The following IGF1R variants were observed in gnomAD, a reference collection of about 807,000 sequenced individuals.
The protein encoded by IGF1R is insulin like growth factor 1 receptor.
In IGF1R, 44 loss-of-function variants were observed where a neutral mutation model predicts 144.6. The ratio of observed to expected loss-of-function variants is 0.30; its 90% CI spans 0.24 to 0.39. The LOEUF (loss-of-function observed/expected upper bound fraction) is 0.39, where lower values mean the gene tolerates loss of function less well. Ranked by LOEUF, IGF1R falls within the 10% of genes least tolerant of loss-of-function variation. The pLI is 1.00. For missense variants in IGF1R, 1,355 were observed against 1,833.7 expected (o/e 0.74, Z 4.77); for synonymous variants, 795 against 722.8 (o/e 1.10, Z -1.60).
At position 98,792,443 on chromosome 15, in the gene IGF1R, C is replaced by T. The variant is rs148568922; in HGVS notation, c.640+84336C>T. ...ATGAAGACAAATTAGCAAAATCTTC[C>T]TATTTTTAAAGTGTGCCTTTTGATT... On this transcript the variant is annotated intron_variant, in intron 2 of 20. Coordinates refer to ENST00000650285, the MANE Select transcript of IGF1R (RefSeq NM_000875.5). Among the ~76,000 whole-genome samples, 484 of 152,284 alleles carry T rather than the reference C, an allele frequency of 3.2e-3. 3 individuals carry two copies. Among genetic ancestry groups the T allele is most frequent in the African/African-American group, 0.011 (461 of 41,558 alleles).
chr15:98,754,456 G>C (rs1196434153), intron 2 of IGF1R, among the ~76,000 whole-genome samples: 1 of 152,216 alleles, frequency 6.6e-6, no homozygotes, highest in East Asian at 1.9e-4. Flanking sequence ...CAGTTGAGAA[G>C]CTGAAGGTTG....
chr15:98,785,484 T>TTTTATAACATAAACATAAAAAAATAA lies in IGF1R; in HGVS notation c.640+77377_640+77378insTTTATAACATAAACATAAAAAAATAA, dbSNP rs1277853152. ...GGTAATCCAGAGTTAAAAATAATGT[T>TTTTATAACATAAACATAAAAAAATAA]CATAAGGAAGGGTAGCAAAATTTAG... On this transcript the variant is annotated intron_variant, in intron 2 of 20. Coordinates refer to ENST00000650285, the MANE Select transcript of IGF1R (RefSeq NM_000875.5). 9.2e-5 allele frequency among the ~76,000 whole-genome samples: 14 copies of TTTTATAACATAAACATAAAAAAATAA among 152,184 alleles called. 1 individual carries two copies. Among genetic ancestry groups the TTTTATAACATAAACATAAAAAAATAA allele is most frequent in the Admixed American group, 9.2e-4 (14 of 15,284 alleles).
At chr15:98,786,717 T>C (rs2141406219) in intron 2 of IGF1R, among the ~76,000 whole-genome samples, 1 of 152,330 alleles carries the variant, frequency 6.6e-6, no homozygotes, top group East Asian at 1.9e-4. Context: ...TCATAGGATT[T>C]TTTTTTAGAA....
chr15:98,822,090 T>C (rs1892276298), intron 2 of IGF1R, among the ~76,000 whole-genome samples: 1 of 152,142 alleles, frequency 6.6e-6, no homozygotes, highest in Non-Finnish European at 1.5e-5. Context: ...AGAAAAGAGA[T>C]GTTAGGCCTT....
Position 98,957,476 on chromosome 15 carries a change from TGTGC to T in IGF1R, c.*36_*39del, listed in dbSNP as rs1326638536. 1.9e-6 allele frequency: 3 copies of T among 1,611,174 alleles called. No homozygotes were observed. The highest frequency in any genetic ancestry group is 2.5e-6 in the Non-Finnish European group (3 of 1,179,482). On this transcript the variant is annotated 3_prime_UTR_variant, in exon 21 of 21. Coordinates refer to ENST00000650285, the MANE Select transcript of IGF1R (RefSeq NM_000875.5). ...TCCTGAATCTGTGCAAACAGTAACG[TGTGC>T]GCACGCGCAGCGGGGTGGGGGGGGA...
intron 7 of IGF1R, 67 bp downstream of exon 7, chr15:98,911,508 G>A (rs1199587236): frequency 1.0e-5 from 16 of 1,605,216 alleles, no homozygotes; most frequent in South Asian, 2.2e-5. Context: ...CCAGTCTTTC[G>A]ATCCTTGAAT....
In IGF1R at chr15:98,878,601, G is replaced by A. The variant is rs537438005; in HGVS notation, c.641-12724G>A. ...CATGCCTGTTGCTCACAGTACTGGG[G>A]AAGAGTTGCAAAATAGTCACCCATT... On this transcript the variant is annotated intron_variant, in intron 2 of 20. Coordinates refer to ENST00000650285, the MANE Select transcript of IGF1R (RefSeq NM_000875.5). Among the ~76,000 whole-genome samples the A allele has an allele frequency of 1.7e-4, 24 of 143,240 alleles. No homozygotes were observed. The South Asian group carries it at 4.9e-3, about 29-fold the overall frequency. 94.0% of individuals were successfully genotyped at this position (143,240 alleles called of 152,430 possible). A position where few individuals can be genotyped will look rare whatever the true frequency, so the allele number is the denominator to read the frequency against.
At chr15:98,745,168 A>G (rs1160367133) in intron 2 of IGF1R, among the ~76,000 whole-genome samples, 1 of 152,272 alleles carries the variant, frequency 6.6e-6, no homozygotes, top group Non-Finnish European at 1.5e-5. Context: ...CAAGTAAAGC[A>G]ACAGTATCTG....
In IGF1R at chr15:98,943,110, C is replaced by A. The variant is rs1596476290; in HGVS notation, c.3587+58C>A. 30 of 1,592,172 alleles carry A rather than the reference C, an allele frequency of 1.9e-5. No individual in the cohort carries two copies. In the East Asian group the frequency reaches 6.3e-4, roughly 33 times the overall value. On this transcript the variant is annotated intron_variant, in intron 19 of 20. Coordinates refer to ENST00000650285, the MANE Select transcript of IGF1R (RefSeq NM_000875.5). ...AGCCCCCAGCCTCTGCACTTTCCAC[C>A]AGCTCAGTCTCTAGGGCTTTATCTT...
chr15:98,852,137 A>G (rs1391103572), intron 2 of IGF1R, among the ~76,000 whole-genome samples: 1 of 152,266 alleles, frequency 6.6e-6, no homozygotes, highest in East Asian at 1.9e-4. Context: ...GAGCCGAATT[A>G]TGGAAACAAA....
intron 2 of IGF1R, among the ~76,000 whole-genome samples, chr15:98,813,996 T>G: frequency 6.6e-6 from 1 of 152,168 alleles, no homozygotes; most frequent in East Asian, 1.9e-4. Flanking sequence ...CCTACCTCAG[T>G]TCATGTTTTT....
At chr15:98,671,165 C>T (rs1366428400) in intron 1 of IGF1R, among the ~76,000 whole-genome samples, 1 of 152,228 alleles carries the variant, frequency 6.6e-6, no homozygotes, top group Non-Finnish European at 1.5e-5. Flanking sequence ...CCCTCCAAAT[C>T]TGCATGTCTG....
intron 2 of IGF1R, among the ~76,000 whole-genome samples, chr15:98,748,276 C>T (rs1484557187): frequency 1.3e-5 from 2 of 152,196 alleles, no homozygotes; most frequent in Non-Finnish European, 2.9e-5. Context: ...AAGGGATCCT[C>T]CTTTTTCAGC....
At chr15:98,656,177 G>A (rs935102728) in intron 1 of IGF1R, among the ~76,000 whole-genome samples, 6 of 152,214 alleles carry the variant, frequency 3.9e-5, no homozygotes, top group Admixed American at 1.3e-4. Flanking sequence ...GTAGTGGGGC[G>A]GCTGGCTAGT....
rs141791082 is a variant in IGF1R at position 98,718,604 on chromosome 15, C to G, written c.640+10497C>G. Among the ~76,000 whole-genome samples the G allele has an allele frequency of 4.7e-3, 712 of 152,338 alleles. 6 individuals are homozygous for G. Among genetic ancestry groups the G allele is most frequent in the African/African-American group, 0.017 (690 of 41,580 alleles). On this transcript the variant is annotated intron_variant, in intron 2 of 20. Transcript: ENST00000650285. ...GGGAGGAGGGCCCAGCTGCAGTGCG[C>G]ATACATCTGCCCTTGGCAGCAGATC...
rs2151652127 is a variant in IGF1R at position 98,896,760 on chromosome 15, G to C, written c.957G>C (p.Met319Ile). The change falls in exon 4 of 21, where the codon ATG becomes ATC. Residue 319 changes from methionine to isoleucine, a missense_variant. Physicochemically the swap from Met to Ile is conservative, Grantham distance 10. Coordinates refer to ENST00000650285, the MANE Select transcript of IGF1R (RefSeq NM_000875.5). The stretch of plus-strand genomic sequence containing the variant: ...TTTTTTTTTTCTTCTTCAACAGCAT[G>C]TACTGCATCCCTTGTGAAGGTCCTT... The part of the protein sequence containing the change: ...SGFIRNGSQS[M>I]YCIPCEGPCP... The C allele has an allele frequency of 6.2e-7, 1 of 1,613,590 alleles. No individual in the cohort carries two copies. The highest frequency in any genetic ancestry group is 8.5e-7 in the Non-Finnish European group (1 of 1,179,858).
At chr15:98,948,503 C>G in intron 19 of IGF1R, 71 bp from the exon 20 acceptor site, 1 of 1,502,956 alleles carries the variant, frequency 6.7e-7, no homozygotes, top group East Asian at 2.3e-5. Context: ...GTAAGAAGTG[C>G]TGGAAAGGAG....
chr15:98,963,171 ACTTT>A lies in IGF1R; in HGVS notation c.*5730_*5733del, dbSNP rs886051608. On this transcript the variant is annotated 3_prime_UTR_variant, in exon 21 of 21. Transcript: ENST00000650285. Reference sequence around the variant, plus strand: ...TAATTGCCGAAAATAATTTAAAGACACTTTTTTTTTCTCTGTGTGTGCAAATGTG... The same window carrying A: ...TAATTGCCGAAAATAATTTAAAGACATTTTTTCTCTGTGTGTGCAAATGTG... The A allele has an allele frequency of 3.0e-4, 69 of 228,350 alleles. No homozygotes were observed. Among genetic ancestry groups the A allele is most frequent in the Middle Eastern group, 1.3e-3 (1 of 798 alleles). The allele number at this position is 228,350 out of a possible 1,614,324, so 14.1% of individuals were successfully genotyped here. A position where few individuals can be genotyped will look rare whatever the true frequency, so the allele number is the denominator to read the frequency against.
At chr15:98,950,123 T>C (rs2016716589) in intron 20 of IGF1R, among the ~76,000 whole-genome samples, 1 of 152,200 alleles carries the variant, frequency 6.6e-6, no homozygotes, top group Non-Finnish European at 1.5e-5. Flanking sequence ...TGGCTTCATT[T>C]TGGAAAGGAT....
Sources: gnomAD v4.1 joint callset for allele counts (sites outside exome capture counted in the v4.1 genomes callset) on GRCh38, gnomAD v4.1.1 for gene constraint, MANE v1.5 for transcripts, NCBI Gene and HGNC (gene_info 2026-07-23, HGNC 2026-07-21) for gene names.